The following ENPP2 variants were observed in gnomAD, a reference collection of about 807,000 sequenced individuals.
ENPP2 encodes the protein autotaxin.
A neutral mutation model predicts 120.2 loss-of-function variants in ENPP2; 51 were observed. That is an observed-to-expected ratio of 0.42 (90% CI 0.34 to 0.54). The LOEUF (loss-of-function observed/expected upper bound fraction) is 0.54. Among genes scored for constraint, ENPP2 ranks in the 20% least tolerant of loss-of-function variants. The pLI, the probability that ENPP2 is intolerant of heterozygous loss-of-function variation, is 0.04. For missense variants in ENPP2, 920 were observed against 1,066.5 expected, an observed-to-expected ratio of 0.86 and a Z score of 1.91; for synonymous variants, 365 against 366.4, an observed-to-expected ratio of 1.00 and a Z score of 0.04.
chr8:119,611,819 A>G (rs112549207), intron 8 of ENPP2, among the ~76,000 whole-genome samples: 5,624 of 152,204 alleles, frequency 0.037, 344 homozygotes, highest in African/African-American at 0.13. Flanking sequence ...TGAGGTCAGG[A>G]GTTCAAGACC....
Position 119,601,462 on chromosome 8 carries a change from A to G in ENPP2, c.834T>C (p.Val278=). The G allele has an allele frequency of 2.5e-6, 4 of 1,612,502 alleles. No individual in the cohort carries two copies. Among genetic ancestry groups the G allele is most frequent in the Non-Finnish European group, 3.4e-6 (4 of 1,178,560 alleles). ...GVKAGTFFWS[V]VIPHERRILT... is the part of the protein sequence containing the mutation. ...ATATTCTCCGCTCGTGAGGGATGAC[A>G]CTGGAGGGTAAAAGCAAGCAAAGCA... The change falls in exon 10 of 25, where the codon GTT becomes GTC. Residue 278 remains valine, a splice_region_variant and synonymous_variant. Transcript: ENST00000075322.
Position 119,585,419 on chromosome 8 carries a change from A to G in ENPP2, c.1367+767T>C, listed in dbSNP as rs941597899. 3.9e-5 allele frequency among the ~76,000 whole-genome samples: 6 copies of G among 152,168 alleles called. No individual in the cohort carries two copies. The East Asian group carries it at 9.6e-4, about 24-fold the overall frequency. ...TTCTTCTTAGAACTTGAGTTTCTAA[A>G]TATTTTCTTGTTATCTTCTTTCTCT... On this transcript the variant is annotated intron_variant, in intron 15 of 24. Coordinates refer to ENST00000075322, the MANE Select transcript of ENPP2 (RefSeq NM_001040092.3).
upstream of ENPP2, among the ~76,000 whole-genome samples, chr8:119,642,518 C>T (rs1338842895): frequency 6.6e-6 from 1 of 151,950 alleles, no homozygotes; most frequent in East Asian, 1.9e-4. Flanking sequence ...AGAAGTAGAG[C>T]ATTATAATAA....
chr8:119,625,461 T>C (rs773959597), intron 3 of ENPP2, among the ~76,000 whole-genome samples: 3 of 152,212 alleles, frequency 2.0e-5, no homozygotes, highest in Non-Finnish European at 4.4e-5. Context: ...GGATTTCATA[T>C]AAATCAAGAG....
At chr8:119,669,196 A>T (rs983845005) in intron 1 of ENPP2, among the ~76,000 whole-genome samples, 2 of 152,176 alleles carry the variant, frequency 1.3e-5, no homozygotes, top group African/African-American at 4.8e-5. Flanking sequence ...ATGTCAATCC[A>T]TCTGTTAATC....
At chr8:119,604,012 CTTTTTTT>C (rs35136821) in intron 9 of ENPP2, among the ~76,000 whole-genome samples, 1 of 136,600 alleles carries the variant, frequency 7.3e-6, no homozygotes, top group Non-Finnish European at 1.6e-5. Flanking sequence ...CAATCTCTCT[CTTTTTTT>C]TTTTTTTTTT....
At chr8:119,596,030 C>T in intron 11 of ENPP2, 1 of 1,610,500 alleles carries the variant, frequency 6.2e-7, no homozygotes, top group East Asian at 2.2e-5. Flanking sequence ...GATGTCTGGA[C>T]TCAGAAGTCG....
chr8:119,558,074 T>C (rs1055539780), intron 24 of ENPP2, among the ~76,000 whole-genome samples: 1 of 152,218 alleles, frequency 6.6e-6, no homozygotes, highest in Non-Finnish European at 1.5e-5. Flanking sequence ...ACAAGTAACT[T>C]GGAATATGCT....
intron 3 of ENPP2, among the ~76,000 whole-genome samples, chr8:119,622,140 G>T (rs1815950299): frequency 6.6e-6 from 1 of 152,138 alleles, no homozygotes; most frequent in Non-Finnish European, 1.5e-5. Context: ...TGGTGGCCAG[G>T]CTGGTCTCAA....
At position 119,586,279 on chromosome 8, in the gene ENPP2, A is replaced by G. The variant is rs751989974; in HGVS notation, c.1274T>C (p.Leu425Ser). 3 of 1,614,012 alleles carry G rather than the reference A, an allele frequency of 1.9e-6. No individual in the cohort carries two copies. The Admixed American group carries it at 5.0e-5, about 27-fold the overall frequency. Residue 425 changes from leucine to serine, a missense_variant, in exon 15 of 25, where the codon TTG becomes TCG. Physicochemically the swap from Leu to Ser is moderately radical, Grantham distance 145. Coordinates refer to ENST00000075322, the MANE Select transcript of ENPP2 (RefSeq NM_001040092.3). ...KKPDQHFKPY[L>S]KQHLPKRLHY... ...CAAACGTTTGGGAAGGTGCTGTTTC[A>G]AGTAAGGCTTAAAGTGCTGATCTGG...
At chr8:119,574,982 T>G (rs893611996) in intron 19 of ENPP2, among the ~76,000 whole-genome samples, 15 of 152,246 alleles carry the variant, frequency 9.9e-5, no homozygotes, top group African/African-American at 3.6e-4. Flanking sequence ...AATAACTTTA[T>G]GAGGACAAGG....
chr8:119,643,149 T>C (rs1817332863), upstream of ENPP2, among the ~76,000 whole-genome samples: 1 of 152,240 alleles, frequency 6.6e-6, no homozygotes, highest in Admixed American at 6.5e-5. Context: ...TCTTATTCTA[T>C]CTTAAAAGTC....
intron 2 of ENPP2, among the ~76,000 whole-genome samples, chr8:119,636,360 G>A (rs1817000082): frequency 6.6e-6 from 1 of 152,142 alleles, no homozygotes; most frequent in South Asian, 2.1e-4. Context: ...ATCAACCACA[G>A]TTCCTAAAAA....
chr8:119,564,817 G>T lies in ENPP2; in HGVS notation c.2264+6C>A. ...ATCACACACTGAGTAGAAATGAAAC[G>T]CTTACTGTTTTATTTTGTCTTCTGT... On this transcript the variant is annotated splice_donor_region_variant and intron_variant, in intron 23 of 24. Transcript: ENST00000075322. 6.2e-7 allele frequency: 1 copy of T among 1,610,572 alleles called. No homozygotes were observed. The highest frequency in any genetic ancestry group is 8.5e-7 in the Non-Finnish European group (1 of 1,178,508).
Position 119,634,185 on chromosome 8 carries a change from A to AAAAT in ENPP2, c.136+4236_136+4239dup, listed in dbSNP as rs747645273. ...GTGACAGAATGAGACTCTCTCTCAA[A>AAAAT]AAATAAATACATACATACATACATA... On this transcript the variant is annotated intron_variant, in intron 2 of 24. Transcript: ENST00000075322. Among the ~76,000 whole-genome samples, 245 of 130,504 alleles carry AAAAT rather than the reference A, an allele frequency of 1.9e-3. 1 individual carries two copies. Among genetic ancestry groups the AAAAT allele is most frequent in the Middle Eastern group, 3.7e-3 (1 of 272 alleles). 85.6% of individuals were successfully genotyped at this position (130,504 alleles called of 152,430 possible).
At chr8:119,673,375 T>C (rs1818313972) in exon 1 of ENPP2, 6 of 1,326,362 alleles carry the variant, frequency 4.5e-6, no homozygotes, top group Non-Finnish European at 6.2e-6. Flanking sequence ...TGCTGCGGAC[T>C]GCTCTTGTTT....
intron 2 of ENPP2, among the ~76,000 whole-genome samples, chr8:119,633,245 T>C (rs1455726342): frequency 6.6e-6 from 1 of 152,210 alleles, no homozygotes; most frequent in Non-Finnish European, 1.5e-5. Context: ...TACTCAAATC[T>C]GGATGATGGC....
At chr8:119,572,456 A>G (rs1490670472) in intron 19 of ENPP2, among the ~76,000 whole-genome samples, 1 of 152,180 alleles carries the variant, frequency 6.6e-6, no homozygotes, top group Non-Finnish European at 1.5e-5. Context: ...TGGACAATCT[A>G]TAGTCTCTAC....
intron 1 of ENPP2, among the ~76,000 whole-genome samples, chr8:119,671,071 G>A (rs10097607): frequency 0.32 from 47,750 of 149,062 alleles, 7,976 homozygotes; most frequent in East Asian, 0.51. Flanking sequence ...CAGATCACTT[G>A]AGGTCAAGAG....
Sources: gnomAD v4.1 joint callset for allele counts (sites outside exome capture counted in the v4.1 genomes callset) on GRCh38, gnomAD v4.1.1 for gene constraint, MANE v1.5 for transcripts, NCBI Gene and HGNC (gene_info 2026-07-23, HGNC 2026-07-21) for gene names.